The following SV2A variants were observed in gnomAD, a reference collection of about 807,000 sequenced individuals.
The protein encoded by SV2A is solute carrier family 22 member B1.
Under a neutral mutation model 78.0 loss-of-function variants are expected in SV2A, and 25 were observed. The observed-to-expected ratio is 0.32, with a 90% CI of 0.23 to 0.45. SV2A has a LOEUF of 0.45. Ranked by LOEUF, SV2A falls within the 20% of genes least tolerant of loss-of-function variation. The pLI is 1.00. For missense variants in SV2A, 752 were observed against 971.5 expected, an observed-to-expected ratio of 0.77 and a Z score of 3.00; for synonymous variants, 355 against 384.7, an observed-to-expected ratio of 0.92 and a Z score of 0.90.
In SV2A at chr1:149,913,655, A is replaced by G. The variant is rs782263968; in HGVS notation, c.186T>C (p.Ser62=). The change falls in exon 2 of 13, where the codon AGT becomes AGC. Residue 62 remains serine (S), a synonymous_variant. Transcript: ENST00000369146. ...EDDDDDFPAP[S]DGYYRGEGTQ... is the part of the protein sequence containing the mutation. ...TCCCTTCTCCTCGGTAATAACCATC[A>G]CTGGGAGCAGGGAAGTCATCATCAT... 1 of 1,613,996 alleles carries G rather than the reference A, an allele frequency of 6.2e-7. No individual in the cohort carries two copies. The highest frequency in any genetic ancestry group is 1.3e-5 in the African/African-American group (1 of 74,946).
Position 149,910,860 on chromosome 1 carries a change from T to C in SV2A, c.921A>G (p.Ala307=). 1 of 1,614,040 alleles carries C rather than the reference T, an allele frequency of 6.2e-7. No homozygotes were observed. The highest frequency in any genetic ancestry group is 1.1e-5 in the South Asian group (1 of 91,058). ...CMFWMIGGVY[A]AAMAWAIIPH... ...GGATGATGGCCCAGGCCATAGCAGC[T>C]GCGTACACGCCACCAATCATCCAAA... is the stretch of plus-strand genomic sequence containing the variant. Residue 307 remains alanine, a synonymous_variant, in exon 4 of 13, where the codon GCA becomes GCG. Coordinates refer to ENST00000369146, the MANE Select transcript of SV2A (RefSeq NM_014849.5). This position sits in a 1 kb window ranked among gnomAD's most constrained non-coding sequence, Gnocchi z 4.2.
chr1:149,911,029 C>A, intron 3 of SV2A, 52 bp from the exon 4 acceptor site: 1 of 1,580,770 alleles, frequency 6.3e-7, no homozygotes. Flanking sequence ...AGTCCTGATC[C>A]CCTGCCCCAC....
At chr1:149,912,567 T>C (rs2092482106) in intron 2 of SV2A, among the ~76,000 whole-genome samples, 1 of 152,116 alleles carries the variant, frequency 6.6e-6, no homozygotes, top group Non-Finnish European at 1.5e-5. Context: ...CATTTTCCCA[T>C]GCCCAAACCA....
chr1:149,905,227 C>A (rs782136952), intron 12 of SV2A, 30 bp from the exon 13 acceptor site: 2 of 1,583,536 alleles, frequency 1.3e-6, no homozygotes, highest in East Asian at 4.5e-5. Context: ...TGCAGCACGG[C>A]GCAAGGTACA....
chr1:149,912,037 C>T, intron 2 of SV2A, 57 bp from the exon 3 acceptor site: 1 of 1,543,328 alleles, frequency 6.5e-7, no homozygotes, highest in Non-Finnish European at 8.8e-7. Flanking sequence ...CTTAATTCTC[C>T]CAGGAGATGA....
In SV2A at chr1:149,907,738, C is replaced by T. The variant is rs782184667; in HGVS notation, c.1640G>A (p.Arg547His). 3.1e-5 allele frequency: 50 copies of T among 1,614,010 alleles called. No homozygotes were observed. The highest frequency in any genetic ancestry group is 5.0e-5 in the Admixed American group (3 of 59,998). The change falls in exon 10 of 13, where the codon CGC becomes CAC. Residue 547 changes from arginine (R) to histidine (H), a missense_variant. Arg to His is a conservative substitution (Grantham distance 29). Coordinates refer to ENST00000369146, the MANE Select transcript of SV2A (RefSeq NM_014849.5). ...CACAGTGTTGATGAATGTGCAGTTG[C>T]GGAAAAACGTGTTGCTGGATGTGAC... ...EDVTSSNTFF[R>H]NCTFINTVFY...
chr1:149,917,061 A>G (rs921748068), intron 1 of SV2A, among the ~76,000 whole-genome samples: 1 of 151,620 alleles, frequency 6.6e-6, no homozygotes, highest in African/African-American at 2.4e-5. Flanking sequence ...AAAAGCCCCC[A>G]GAACTGACTA....
intron 8 of SV2A, among the ~76,000 whole-genome samples, 169 bp from the exon 9 acceptor site, chr1:149,908,375 G>T (rs1420405015): frequency 6.6e-6 from 1 of 151,638 alleles, no homozygotes; most frequent in Non-Finnish European, 1.5e-5. Flanking sequence ...GCTTCTCCCT[G>T]CTCCTCCCTT....
chr1:149,908,385 T>TC (rs201126013), intron 8 of SV2A, among the ~76,000 whole-genome samples, 179 bp from the exon 9 acceptor site: 4,396 of 152,288 alleles, frequency 0.029, 216 homozygotes, highest in African/African-American at 0.1. Context: ...GCTCCTCCCT[T>TC]CAACAGTTGC....
At chr1:149,914,843 A>G (rs2101627265) in intron 1 of SV2A, among the ~76,000 whole-genome samples, 1 of 152,350 alleles carries the variant, frequency 6.6e-6, no homozygotes, top group Middle Eastern at 3.4e-3. Context: ...TAATGTATCT[A>G]TGCTCCTTAC....
At position 149,913,685 on chromosome 1, in the gene SV2A, C is replaced by T. The variant is rs782780934; in HGVS notation, c.156G>A (p.Glu52=). The T allele has an allele frequency of 1.2e-6, 2 of 1,614,110 alleles. No homozygotes were observed. Among genetic ancestry groups the T allele is most frequent in the African/African-American group, 2.7e-5 (2 of 75,002 alleles). ...SRRSYSRFEE[E]DDDDDFPAPS... is the part of the protein sequence containing the mutation. ...GAGCAGGGAAGTCATCATCATCATC[C>T]TCCTCCTCAAAGCGGGAGTACGATC... The change falls in exon 2 of 13, where the codon GAG becomes GAA. Residue 52 remains glutamate, a synonymous_variant. Coordinates refer to ENST00000369146, the MANE Select transcript of SV2A (RefSeq NM_014849.5).
intron 10 of SV2A, 25 bp downstream of exon 10, chr1:149,907,675 A>T (rs781793607): frequency 6.2e-7 from 1 of 1,608,264 alleles, no homozygotes; most frequent in South Asian, 1.1e-5. Context: ...CTTTGGTCTG[A>T]CACCCACCAG....
intron 8 of SV2A, 71 bp downstream of exon 8, chr1:149,909,121 C>CT (rs1476365537): frequency 6.8e-7 from 1 of 1,475,198 alleles, no homozygotes; most frequent in Non-Finnish European, 9.5e-7. Flanking sequence ...CATCTCCATT[C>CT]TCCCCACCTC....
chr1:149,907,654 T>C (rs1553762952), intron 10 of SV2A, 46 bp downstream of exon 10: 1 of 1,588,896 alleles, frequency 6.3e-7, no homozygotes, highest in African/African-American at 1.3e-5. Flanking sequence ...CTCATCAAGG[T>C]CCACCCAACC....
intron 12 of SV2A, 43 bp downstream of exon 12, chr1:149,905,837 C>G: frequency 6.2e-7 from 1 of 1,605,800 alleles, no homozygotes; most frequent in Non-Finnish European, 8.5e-7. Context: ...CACCCCACCC[C>G]TCCCCTGAAT....
In SV2A at chr1:149,913,682, A is replaced by T; in HGVS notation, c.159T>A (p.Asp53Glu). ...TGGGAGCAGGGAAGTCATCATCATC[A>T]TCCTCCTCCTCAAAGCGGGAGTACG... ...RRSYSRFEEE[D>E]DDDDFPAPSD... The change falls in exon 2 of 13, where the codon GAT becomes GAA. Residue 53 changes from aspartate to glutamate, a missense_variant. This residue lies in a region of SV2A where 291 missense variants were observed against 359.5 expected (regional missense o/e 0.81). Coordinates refer to ENST00000369146, the MANE Select transcript of SV2A (RefSeq NM_014849.5). The T allele has an allele frequency of 6.2e-7, 1 of 1,613,894 alleles. No individual in the cohort carries two copies. The highest frequency in any genetic ancestry group is 8.5e-7 in the Non-Finnish European group (1 of 1,179,962).
chr1:149,904,760 CTT>C lies in SV2A; in HGVS notation c.*252_*253del. 4.7e-6 allele frequency: 2 copies of C among 425,056 alleles called. No homozygotes were observed. Among genetic ancestry groups the C allele is most frequent in the South Asian group, 4.4e-5 (1 of 22,648 alleles). 26.3% of individuals were successfully genotyped at this position (425,056 alleles called of 1,614,324 possible). A position where few individuals can be genotyped will look rare whatever the true frequency, so the allele number is the denominator to read the frequency against. ...GGAGAAGGATGGGGCTCAGCCTTCT[CTT>C]GTGCAAAGTCAAGGGCAGTGGGAAA... On this transcript the variant is annotated 3_prime_UTR_variant, in exon 13 of 13. Transcript: ENST00000369146.
rs1301462224 is a variant in SV2A, at chr1:149,910,527, C to T, written c.1089+43G>A. On this transcript the variant is annotated intron_variant, in intron 5 of 12. Coordinates refer to ENST00000369146, the MANE Select transcript of SV2A (RefSeq NM_014849.5). This position sits in a 1 kb window ranked among gnomAD's most constrained non-coding sequence, Gnocchi z 4.2. ...AGCCCCTGCTGCCGTCCACACTCCA[C>T]AGCCCGCACCCCACCCCACCCCATG... 3.9e-6 allele frequency: 6 copies of T among 1,543,816 alleles called. No individual in the cohort carries two copies. In the African/African-American group the frequency reaches 6.9e-5, roughly 18 times the overall value.
chr1:149,906,163 C>A, intron 11 of SV2A, 124 bp from the exon 12 acceptor site: 1 of 1,136,132 alleles, frequency 8.8e-7, no homozygotes, highest in Non-Finnish European at 1.2e-6. Context: ...AGGTATCCAA[C>A]CAAGGTATCC....
Sources: gnomAD v4.1 joint callset for allele counts (sites outside exome capture counted in the v4.1 genomes callset) on GRCh38, gnomAD v4.1.1 for gene constraint, gnomAD v4.1.1 regional missense constraint, Gnocchi (gnomAD v3.1) non-coding constraint, MANE v1.5 for transcripts, NCBI Gene and HGNC (gene_info 2026-07-23, HGNC 2026-07-21) for gene names.